The following NAV2 variants were observed in gnomAD, a reference collection of about 807,000 sequenced individuals.
NAV2 encodes the protein neuron navigator 2.
In NAV2, 54 loss-of-function variants were observed where a neutral mutation model predicts 223.2. The observed-to-expected ratio is 0.24, with a 90% CI of 0.19 to 0.30. The LOEUF (loss-of-function observed/expected upper bound fraction) is 0.30, where lower values mean the gene tolerates loss of function less well. Among genes scored for constraint, NAV2 ranks in the 10% least tolerant of loss-of-function variants. NAV2 has a pLI of 1.00. For missense variants in NAV2, 2,806 were observed against 3,147.5 expected (o/e 0.89, Z 2.60); for synonymous variants, 1,279 against 1,239.3 (o/e 1.03, Z -0.67).
chr11:19,660,919 T>C (rs1436963806), intron 1 of NAV2, among the ~76,000 whole-genome samples: 3 of 152,114 alleles, frequency 2.0e-5, no homozygotes, highest in African/African-American at 7.2e-5. Flanking sequence ...GTCACTCTTT[T>C]TTTAATTGTG....
At chr11:19,591,130 C>T (rs936654498) in intron 1 of NAV2, 1 of 152,216 alleles carries the variant, frequency 6.6e-6, no homozygotes, top group African/African-American at 2.4e-5. Context: ...TGTGTTGCAT[C>T]CCATTTTCAC....
intron 11 of NAV2, among the ~76,000 whole-genome samples, chr11:19,987,709 C>T (rs1227576939): frequency 6.6e-6 from 1 of 152,174 alleles, no homozygotes; most frequent in Non-Finnish European, 1.5e-5. Flanking sequence ...CAGCCAGCTT[C>T]TAAGAAATAA....
chr11:20,053,529 T>C (rs1270139330), intron 17 of NAV2, among the ~76,000 whole-genome samples: 3 of 152,222 alleles, frequency 2.0e-5, no homozygotes, highest in African/African-American at 7.2e-5. Context: ...CCCTCTCCTA[T>C]AAAACTCAAC....
chr11:19,460,431 T>A (rs1255813684), intron 1 of NAV2, among the ~76,000 whole-genome samples: 1 of 152,196 alleles, frequency 6.6e-6, no homozygotes, highest in Non-Finnish European at 1.5e-5. Context: ...CTCAGCATGT[T>A]GCCCACCTGG....
At chr11:19,631,366 T>C (rs1449316549) in intron 1 of NAV2, among the ~76,000 whole-genome samples, 2 of 152,182 alleles carry the variant, frequency 1.3e-5, no homozygotes, top group African/African-American at 4.8e-5. Flanking sequence ...GTTTGGTTTT[T>C]TGTCCTTGTG....
rs1280130621 is a variant in NAV2 at position 20,033,991 on chromosome 11, G to A, written c.2769-1968G>A. Among the ~76,000 whole-genome samples the A allele has an allele frequency of 2.6e-5, 4 of 152,198 alleles. No individual in the cohort carries two copies. The East Asian group carries it at 7.7e-4, about 29-fold the overall frequency. ...TATCAGACCTGCCACTCCTGGCTGA[G>A]CGGCCTTTAACCAGGCTGCCTGGCC... On this transcript the variant is annotated intron_variant, in intron 11 of 37. Transcript: ENST00000349880.
intron 29 of NAV2, among the ~76,000 whole-genome samples, chr11:20,093,779 C>G (rs541008941): frequency 1.3e-5 from 2 of 152,254 alleles, no homozygotes; most frequent in Admixed American, 1.3e-4. Flanking sequence ...CTAGGAACTT[C>G]CAGAGTCTAT....
intron 1 of NAV2, among the ~76,000 whole-genome samples, chr11:19,447,547 C>T (rs928997665): frequency 1.3e-5 from 2 of 152,188 alleles, no homozygotes; most frequent in East Asian, 3.8e-4. Context: ...GAAGGCGAGA[C>T]GATGCATTTA....
chr11:19,933,724 C>G lies in NAV2; in HGVS notation c.1480C>G (p.Arg494Gly). ...TGAGAAAGAGAAGGAGAAACAACAG[C>G]GGGAGAAGGATAAGGAGAAAAGCAA... ...GNEKEKEKQQ[R>G]EKDKEKSKDL... Residue 494 changes from arginine (R) to glycine (G), a missense_variant, in exon 7 of 38, where the codon CGG becomes GGG. Arg to Gly is a moderately radical substitution (Grantham distance 125). Transcript: ENST00000349880. This position sits in a 1 kb window ranked among gnomAD's most constrained non-coding sequence, Gnocchi z 4.3. 1 of 1,614,080 alleles carries G rather than the reference C, an allele frequency of 6.2e-7. No homozygotes were observed.
chr11:19,932,001 G>A (rs1420287076), intron 6 of NAV2, among the ~76,000 whole-genome samples: 1 of 152,058 alleles, frequency 6.6e-6, no homozygotes, highest in East Asian at 1.9e-4. Flanking sequence ...ACTGAAGCAG[G>A]GTGCTGCAGT....
At chr11:19,847,047 G>C (rs1448002183) in intron 3 of NAV2, among the ~76,000 whole-genome samples, 1 of 152,116 alleles carries the variant, frequency 6.6e-6, no homozygotes, top group East Asian at 1.9e-4. Flanking sequence ...AAAATGTTTT[G>C]TCTATTTAAC....
chr11:19,792,168 T>C (rs1187514401), intron 1 of NAV2, among the ~76,000 whole-genome samples: 1 of 152,346 alleles, frequency 6.6e-6, no homozygotes, highest in Admixed American at 6.5e-5. Flanking sequence ...TCCTCTTTTC[T>C]GCATGTCTCT....
In NAV2 at chr11:19,367,342, A is replaced by G. The variant is rs995536012; in HGVS notation, c.75+16315A>G. On this transcript the variant is annotated intron_variant, in intron 1 of 37. Transcript: ENST00000360655. ...CAAGGCCCCTTGAGCTGACTTCTAC[A>G]GTGGCACTTCTCACATTGTTTTGAG... 2.6e-5 allele frequency among the ~76,000 whole-genome samples: 4 copies of G among 152,278 alleles called. No homozygotes were observed. The South Asian group carries it at 6.2e-4, about 24-fold the overall frequency.
intron 36 of NAV2, among the ~76,000 whole-genome samples, chr11:20,111,430 G>A (rs912795726): frequency 9.9e-5 from 15 of 152,206 alleles, no homozygotes; most frequent in African/African-American, 3.4e-4. Context: ...GCTTACCACA[G>A]TACTTACCCA....
At chr11:20,086,588 C>T (rs1592074141) in intron 26 of NAV2, among the ~76,000 whole-genome samples, 1 of 152,256 alleles carries the variant, frequency 6.6e-6, no homozygotes, top group African/African-American at 2.4e-5. Flanking sequence ...CACCCCAACC[C>T]CAGATCTACA....
intron 1 of NAV2, among the ~76,000 whole-genome samples, chr11:19,654,289 T>C (rs2048054148): frequency 6.6e-6 from 1 of 152,166 alleles, no homozygotes; most frequent in Non-Finnish European, 1.5e-5. Flanking sequence ...GTAGGAAGAA[T>C]CAGTATCATG....
chr11:19,839,958 CCCCCTG>C (rs1299020248), intron 2 of NAV2, among the ~76,000 whole-genome samples: 1 of 152,196 alleles, frequency 6.6e-6, no homozygotes, highest in Non-Finnish European at 1.5e-5. Context: ...CAGCCAAAGA[CCCCCTG>C]CCCTGAGTTA....
intron 29 of NAV2, among the ~76,000 whole-genome samples, chr11:20,094,577 A>G (rs998863076): frequency 6.6e-6 from 1 of 152,152 alleles, no homozygotes; most frequent in African/African-American, 2.4e-5. Flanking sequence ...TGGATTATTT[A>G]TTCTAGTGAT....
At chr11:19,429,773 G>T (rs1850976513) in intron 1 of NAV2, among the ~76,000 whole-genome samples, 1 of 152,216 alleles carries the variant, frequency 6.6e-6, no homozygotes, top group Non-Finnish European at 1.5e-5. Context: ...AGAATCTAAG[G>T]TTTGGGAAGA....
Sources: allele counts gnomAD v4.1 joint callset (sites outside exome capture counted in the v4.1 genomes callset), GRCh38; gene constraint gnomAD v4.1.1; non-coding constraint Gnocchi (gnomAD v3.1); transcripts MANE v1.5; gene names NCBI Gene and HGNC (gene_info 2026-07-23, HGNC 2026-07-21).